Variants in GPC5 observed in about 807,000 individuals in gnomAD.
GPC5 encodes glypican 5.
GPC5 carries 47 observed loss-of-function variants against 53.9 expected under a neutral mutation model. The observed-to-expected ratio is 0.87, with a 90% CI of 0.69 to 1.11. The LOEUF (loss-of-function observed/expected upper bound fraction) is 1.11. Among genes scored for constraint, GPC5 ranks in the 50% most tolerant of loss-of-function variants. The pLI, the probability that GPC5 is intolerant of heterozygous loss-of-function variation, is 0.00. For synonymous variants in GPC5, 286 were observed against 263.3 expected (o/e 1.09, Z -0.84); for missense variants, 748 against 713.1 (o/e 1.05, Z -0.56).
chr13:92,485,778 C>T (rs568217208), intron 7 of GPC5, among the ~76,000 whole-genome samples: 4 of 152,118 alleles, frequency 2.6e-5, no homozygotes, highest in Admixed American at 6.6e-5. Context: ...GAGCTTGAGA[C>T]CAGCCTGGCT....
intron 6 of GPC5, among the ~76,000 whole-genome samples, chr13:92,100,441 A>G (rs747933263): frequency 6.6e-5 from 10 of 152,210 alleles, no homozygotes; most frequent in Middle Eastern, 3.2e-3. Flanking sequence ...AAATAAGGTC[A>G]AAAGAATAGT....
chr13:92,606,480 T>C (rs778979897), intron 7 of GPC5, among the ~76,000 whole-genome samples: 7 of 152,212 alleles, frequency 4.6e-5, no homozygotes, highest in Non-Finnish European at 8.8e-5. Flanking sequence ...CTTAATCCAG[T>C]CTATCATTTG....
intron 1 of GPC5, among the ~76,000 whole-genome samples, chr13:91,407,418 A>G (rs1218250075): frequency 6.6e-6 from 1 of 152,214 alleles, no homozygotes; most frequent in Non-Finnish European, 1.5e-5. Flanking sequence ...CATCTAAAGG[A>G]TTAATTTGCA....
chr13:92,855,876 G>T (rs1408217947), intron 7 of GPC5, among the ~76,000 whole-genome samples: 1 of 151,610 alleles, frequency 6.6e-6, no homozygotes, highest in African/African-American at 2.4e-5. Flanking sequence ...AAAACTCTAT[G>T]AACCAAAAAA....
chr13:91,795,476 A>C (rs1411631179), intron 5 of GPC5, among the ~76,000 whole-genome samples: 2 of 152,204 alleles, frequency 1.3e-5, no homozygotes, highest in South Asian at 4.1e-4. Context: ...GTTTCTTGGC[A>C]TATCTATTTT....
rs1566515542 is a variant in GPC5, at chr13:91,571,828, T to TACGTGTGTGTGTGTATACAC, written c.326-121357_326-121356insGTGTGTGTGTGTATACACAC. Among the ~76,000 whole-genome samples, 67 of 64,842 alleles carry TACGTGTGTGTGTGTATACAC rather than the reference T, an allele frequency of 1.0e-3. 4 individuals are homozygous for TACGTGTGTGTGTGTATACAC. The highest frequency in any genetic ancestry group is 0.01 in the Middle Eastern group (1 of 96). The allele number at this position is 64,842 out of a possible 152,430, so 42.5% of individuals were successfully genotyped here. A position where few individuals can be genotyped will look rare whatever the true frequency, so the allele number is the denominator to read the frequency against. On this transcript the variant is annotated intron_variant, in intron 2 of 7. Transcript: ENST00000377067. The stretch of plus-strand genomic sequence containing the variant: ...ACACACACATACGTGTGTGTATATA[T>TACGTGTGTGTGTGTATACAC]ACACATATACTTGTGTGTATATACA...
At chr13:92,546,454 T>C (rs1882116172) in intron 7 of GPC5, among the ~76,000 whole-genome samples, 2 of 152,016 alleles carry the variant, frequency 1.3e-5, no homozygotes, top group Admixed American at 6.6e-5. Flanking sequence ...GGAATCCAAC[T>C]TACAAGGGAT....
intron 6 of GPC5, among the ~76,000 whole-genome samples, chr13:91,957,868 A>G (rs981417099): frequency 6.6e-6 from 1 of 152,068 alleles, no homozygotes; most frequent in Non-Finnish European, 1.5e-5. Flanking sequence ...CCCCGGTTAG[A>G]GCAAACATTA....
At chr13:91,858,662 T>C (rs764142806) in intron 5 of GPC5, among the ~76,000 whole-genome samples, 6 of 152,074 alleles carry the variant, frequency 3.9e-5, no homozygotes, top group Middle Eastern at 3.4e-3. Context: ...AGAGTAATAA[T>C]GGCCTTGTAG....
At chr13:92,293,631 T>C (rs9516053) in intron 7 of GPC5, among the ~76,000 whole-genome samples, 65,375 of 151,706 alleles carry the variant, frequency 0.43, 15,278 homozygotes, top group African/African-American at 0.62. Flanking sequence ...ACGATCATAT[T>C]GTCAGCAAAC....
chr13:91,849,997 T>G (rs2038895494), intron 5 of GPC5, among the ~76,000 whole-genome samples: 1 of 152,184 alleles, frequency 6.6e-6, no homozygotes, highest in African/African-American at 2.4e-5. Context: ...GGTATTGAGA[T>G]TTCTTTCTTC....
chr13:92,246,679 C>T (rs1316431620), intron 7 of GPC5, among the ~76,000 whole-genome samples: 8 of 152,106 alleles, frequency 5.3e-5, no homozygotes, highest in Admixed American at 1.3e-4. Flanking sequence ...ATATAAAGTC[C>T]AGAGAAACCT....
At chr13:92,613,498 T>G in intron 7 of GPC5, among the ~76,000 whole-genome samples, 1 of 82,674 alleles carries the variant, frequency 1.2e-5, no homozygotes, top group Non-Finnish European at 2.4e-5. Context: ...ATGTAATATA[T>G]AATTTATATA....
chr13:91,584,235 A>C (rs949571232), intron 2 of GPC5, among the ~76,000 whole-genome samples: 3 of 152,290 alleles, frequency 2.0e-5, no homozygotes, highest in African/African-American at 7.2e-5. Context: ...AGAAATTGTT[A>C]AGTTTTTTTT....
chr13:92,223,112 C>T (rs1566491951), intron 7 of GPC5, among the ~76,000 whole-genome samples: 1 of 151,888 alleles, frequency 6.6e-6, no homozygotes, highest in Non-Finnish European at 1.5e-5. Flanking sequence ...ACAATTAGAA[C>T]CTATTGCTGA....
intron 7 of GPC5, among the ~76,000 whole-genome samples, chr13:92,191,100 G>A (rs956039005): frequency 6.6e-6 from 1 of 152,074 alleles, no homozygotes; most frequent in Non-Finnish European, 1.5e-5. Flanking sequence ...CTTCAGACAG[G>A]AAAGTTACTG....
At chr13:92,146,553 T>G (rs2041868680) in intron 7 of GPC5, among the ~76,000 whole-genome samples, 1 of 152,132 alleles carries the variant, frequency 6.6e-6, no homozygotes, top group Non-Finnish European at 1.5e-5. Flanking sequence ...ACAGGTAATG[T>G]TTGGTTACAT....
chr13:92,558,427 G>T (rs1882576910), intron 7 of GPC5, among the ~76,000 whole-genome samples: 1 of 151,894 alleles, frequency 6.6e-6, no homozygotes, highest in South Asian at 2.1e-4. Flanking sequence ...GCACATAATT[G>T]CATAAAATAT....
intron 7 of GPC5, among the ~76,000 whole-genome samples, chr13:92,208,940 T>C (rs1450937186): frequency 6.6e-6 from 1 of 152,176 alleles, no homozygotes; most frequent in Non-Finnish European, 1.5e-5. Flanking sequence ...ATTTACCAAA[T>C]TGATAATATG....
Sources: allele counts gnomAD v4.1 joint callset (sites outside exome capture counted in the v4.1 genomes callset), GRCh38; gene constraint gnomAD v4.1.1; transcripts MANE v1.5; gene names NCBI Gene and HGNC (gene_info 2026-07-23, HGNC 2026-07-21).